EEF2K: variants seen among roughly 807,000 people sequenced by gnomAD.
EEF2K encodes alternative protein EEF2K.
A neutral mutation model predicts 93.8 loss-of-function variants in EEF2K; 70 were observed. That is an observed-to-expected ratio of 0.75 (90% confidence interval 0.62 to 0.91). The LOEUF is 0.91. Ranked by LOEUF, EEF2K falls within the 40% of genes least tolerant of loss-of-function variation. The pLI, the probability that EEF2K is intolerant of heterozygous loss-of-function variation, is 0.00. For missense variants in EEF2K, 935 were observed against 972.9 expected (o/e 0.96, Z 0.52); for synonymous variants, 376 against 380.8 (o/e 0.99, Z 0.15).
At position 22,248,770 on chromosome 16, in the gene EEF2K, C is replaced by G. The variant is rs199516774; in HGVS notation, c.363C>G (p.Thr121=). Residue 121 remains threonine, a synonymous_variant, in exon 4 of 18, where the codon ACC becomes ACG. Coordinates refer to ENST00000263026, the MANE Select transcript of EEF2K (RefSeq NM_013302.5). ...GTCTCTGCAGGTACAACGCCGTCAC[C>G]GGGGAATGGCTGGATGATGAAGTTC... ...RATRHRYNAV[T]GEWLDDEVLI... The G allele has an allele frequency of 4.3e-6, 7 of 1,613,902 alleles. No homozygotes were observed. The highest frequency in any genetic ancestry group is 1.3e-5 in the African/African-American group (1 of 74,976).
intron 11 of EEF2K, among the ~76,000 whole-genome samples, chr16:22,261,785 A>G (rs1349656041): frequency 6.6e-6 from 1 of 151,996 alleles, no homozygotes; most frequent in Non-Finnish European, 1.5e-5. Context: ...CAGGCAGACC[A>G]CTTGAGGCCA....
chr16:22,239,121 C>T (rs1008638804), intron 2 of EEF2K, among the ~76,000 whole-genome samples: 24 of 151,214 alleles, frequency 1.6e-4, no homozygotes, highest in Admixed American at 5.3e-4. Flanking sequence ...GCATTAATCC[C>T]ACCTGTTGCC....
Position 22,273,649 on chromosome 16 carries a change from A to G in EEF2K, c.1788A>G (p.Lys596=). The G allele has an allele frequency of 6.2e-7, 1 of 1,614,140 alleles. No individual in the cohort carries two copies. The highest frequency in any genetic ancestry group is 8.5e-7 in the Non-Finnish European group (1 of 1,180,028). ...SLKETEENKT[K]GFDYLLKAAE... is the part of the protein sequence containing the mutation. ...AGGAGACAGAAGAGAACAAAACCAA[A>G]GGATTTGATTACTTACTAAAGGCCG... The change falls in exon 16 of 18, where the codon AAA becomes AAG. Residue 596 remains lysine, a synonymous_variant. Transcript: ENST00000263026.
intron 15 of EEF2K, 97 bp from the exon 16 acceptor site, chr16:22,273,529 C>CA (rs201872559): frequency 0.017 from 26,847 of 1,537,058 alleles, 267 homozygotes; most frequent in Non-Finnish European, 0.021. Flanking sequence ...CCGGAGCTCT[C>CA]AAAAAACAGG....
chr16:22,251,254 G>A lies in EEF2K; in HGVS notation c.550G>A (p.Asp184Asn). 7 of 1,614,146 alleles carry A rather than the reference G, an allele frequency of 4.3e-6. No homozygotes were observed. The highest frequency in any genetic ancestry group is 5.9e-6 in the Non-Finnish European group (7 of 1,180,030). The change falls in exon 6 of 18, where the codon GAC becomes AAC. Residue 184 changes from aspartate (D) to asparagine (N), a missense_variant. Coordinates refer to ENST00000263026, the MANE Select transcript of EEF2K (RefSeq NM_013302.5). Reference sequence around the variant, plus strand: ...CGTAGACCGGGATGTGTACTTTGAGGACGTGCGTCTACAGATGGAGGCCAA... The same window carrying A: ...CGTAGACCGGGATGTGTACTTTGAGAACGTGCGTCTACAGATGGAGGCCAA... ...EPVDRDVYFE[D>N]VRLQMEAKLW...
rs1166646204 is a variant in EEF2K at position 22,257,404 on chromosome 16, C to T, written c.901+19C>T. ...AACCTAGGTACGTGGGGAAAGCCAGCCTGTTTCTGCAGAAACCACGCTCCC... is the reference window on the plus strand; with the variant it reads ...AACCTAGGTACGTGGGGAAAGCCAGTCTGTTTCTGCAGAAACCACGCTCCC... On this transcript the variant is annotated intron_variant, in intron 8 of 17. Transcript: ENST00000263026. The T allele has an allele frequency of 6.2e-7, 1 of 1,611,196 alleles. No individual in the cohort carries two copies. Among genetic ancestry groups the T allele is most frequent in the Non-Finnish European group, 8.5e-7 (1 of 1,178,906 alleles).
intron 2 of EEF2K, among the ~76,000 whole-genome samples, chr16:22,227,521 C>T (rs1052943086): frequency 6.6e-6 from 1 of 152,090 alleles, no homozygotes; most frequent in Non-Finnish European, 1.5e-5. Flanking sequence ...CTGCACCCAG[C>T]CTAAAATAAA....
At chr16:22,244,880 G>T (rs2047271448) in intron 3 of EEF2K, 150 bp downstream of exon 3, 3 of 759,258 alleles carry the variant, frequency 4.0e-6, no homozygotes, top group Middle Eastern at 2.4e-4. Context: ...CGTGCTTAAG[G>T]CCCGGTGCAT....
intron 3 of EEF2K, 131 bp downstream of exon 3, chr16:22,244,861 ATGCTAATGCG>A: frequency 1.1e-6 from 1 of 902,312 alleles, no homozygotes. Context: ...TAATATTGGC[ATGCTAATGCG>A]TGCTTAAGGC....
At position 22,251,121 on chromosome 16, in the gene EEF2K, A is replaced by AG. The variant is rs760516944; in HGVS notation, c.447-28dup. ...GTCCCTGGTGAACCCCAGAGTACCC[A>AG]GGTAGGCCCCCTGTTGCCTCTTCCC... On this transcript the variant is annotated intron_variant, in intron 5 of 17. Coordinates refer to ENST00000263026, the MANE Select transcript of EEF2K (RefSeq NM_013302.5). 115 of 1,600,950 alleles carry AG rather than the reference A, an allele frequency of 7.2e-5. No individual in the cohort carries two copies. In the South Asian group the frequency reaches 1.2e-3, roughly 17 times the overall value.
chr16:22,264,164 C>T (rs147592976), intron 12 of EEF2K, among the ~76,000 whole-genome samples: 29 of 151,818 alleles, frequency 1.9e-4, no homozygotes, highest in African/African-American at 3.4e-4. Context: ...CAGTGGTGCA[C>T]TCCTCTAGTC....
intron 4 of EEF2K, 146 bp from the exon 5 acceptor site, chr16:22,250,508 G>A (rs1045824524): frequency 2.1e-6 from 2 of 946,600 alleles, no homozygotes; most frequent in African/African-American, 3.3e-5. Flanking sequence ...CTGAGACATA[G>A]AAGGGAGATC....
chr16:22,238,491 T>G (rs909372703), intron 2 of EEF2K, among the ~76,000 whole-genome samples: 2 of 151,660 alleles, frequency 1.3e-5, no homozygotes, highest in Non-Finnish European at 2.9e-5. Flanking sequence ...CACACAATTT[T>G]TTAAATTAGC....
chr16:22,283,790 C>T (rs557499974), intron 17 of EEF2K, 97 bp from the exon 18 acceptor site: 5 of 1,188,328 alleles, frequency 4.2e-6, no homozygotes, highest in South Asian at 1.3e-5. Flanking sequence ...CTTAAGGAAA[C>T]GTCAGGGTGT....
Position 22,251,319 on chromosome 16 carries a change from G to C in EEF2K, c.615G>C (p.Lys205Asn). The change falls in exon 6 of 18, where the codon AAG (lysine) becomes AAC (asparagine). Residue 205 changes from lysine to asparagine, a missense_variant. Coordinates refer to ENST00000263026, the MANE Select transcript of EEF2K (RefSeq NM_013302.5). ...AGTATAATCGGCACAAGCCCCCCAA[G>C]CAGGTGCGTGGCCCCACTACCTGCC... ...GEEYNRHKPP[K>N]QVDIMQMCII... 1 of 1,613,926 alleles carries C rather than the reference G, an allele frequency of 6.2e-7. No homozygotes were observed. The highest frequency in any genetic ancestry group is 8.5e-7 in the Non-Finnish European group (1 of 1,179,894).
At position 22,244,627 on chromosome 16, in the gene EEF2K, C is replaced by T. The variant is rs2047266188; in HGVS notation, c.247-3C>T. On this transcript the variant is annotated splice_region_variant and splice_polypyrimidine_tract_variant and intron_variant, in intron 2 of 17. Coordinates refer to ENST00000263026, the MANE Select transcript of EEF2K (RefSeq NM_013302.5). Reference sequence around the variant, plus strand: ...TTCCTACCTTCTCCTTTGCCTTCCACAGGAAGCCTGGAAGCACGCAATCCA... The same window carrying T: ...TTCCTACCTTCTCCTTTGCCTTCCATAGGAAGCCTGGAAGCACGCAATCCA... The T allele has an allele frequency of 4.3e-6, 7 of 1,613,832 alleles. No homozygotes were observed. The highest frequency in any genetic ancestry group is 1.3e-5 in the African/African-American group (1 of 74,918).
At position 22,258,495 on chromosome 16, in the gene EEF2K, A is replaced by T. The variant is rs1396175660; in HGVS notation, c.1031A>T (p.Gln344Leu). ...GAGTATCCCTATTAATGTCCCTAGC[A>T]ATCAGCCAAGACCATCTTGAGAGGA... ...DAVNQNTKLL[Q>L]SAKTILRGTE... The change falls in exon 10 of 18, where the codon CAA (glutamine) becomes CTA (leucine). Residue 344 changes from glutamine to leucine, a missense_variant and splice_region_variant. Transcript: ENST00000263026. 6.2e-7 allele frequency: 1 copy of T among 1,613,904 alleles called. No individual in the cohort carries two copies. The highest frequency in any genetic ancestry group is 1.3e-5 in the African/African-American group (1 of 74,898).
At chr16:22,270,607 C>A (rs1434565815) in intron 15 of EEF2K, among the ~76,000 whole-genome samples, 1 of 152,090 alleles carries the variant, frequency 6.6e-6, no homozygotes, top group African/African-American at 2.4e-5. Context: ...GTGGGGCATA[C>A]CTGTGAGCTA....
At chr16:22,220,834 G>T (rs1474491188) in intron 1 of EEF2K, among the ~76,000 whole-genome samples, 6 of 152,190 alleles carry the variant, frequency 3.9e-5, no homozygotes, top group Non-Finnish European at 7.3e-5. Context: ...GCACTGTCCT[G>T]GCCCCCAGTG....
Sources: allele counts gnomAD v4.1 joint callset (sites outside exome capture counted in the v4.1 genomes callset), GRCh38; gene constraint gnomAD v4.1.1; transcripts MANE v1.5; gene names NCBI Gene and HGNC (gene_info 2026-07-23, HGNC 2026-07-21).